Variants in ASS1 observed in about 807,000 individuals in gnomAD.
ASS1 encodes the protein argininosuccinate synthase.
A neutral mutation model predicts 60.5 loss-of-function variants in ASS1; 58 were observed. The ratio of observed to expected loss-of-function variants is 0.96; its 90% CI spans 0.78 to 1.19. ASS1 has a LOEUF of 1.19. ASS1 is among the 50% of genes most tolerant of loss of function. The probability of loss-of-function intolerance (pLI) is 0.00; values close to 1 mark genes in which losing one functional copy is unlikely to be tolerated. For missense variants in ASS1, 454 were observed against 547.3 expected (o/e 0.83, Z 1.70); for synonymous variants, 200 against 206.9 (o/e 0.97, Z 0.29).
intron 14 of ASS1, 93 bp from the exon 15 acceptor site, chr9:130,500,883 C>A: frequency 7.1e-7 from 1 of 1,401,814 alleles, no homozygotes; most frequent in East Asian, 2.3e-5. Context: ...AAACAGCTGC[C>A]CCAGCCACCC....
At chr9:130,466,576 T>C in intron 5 of ASS1, 149 bp from the exon 6 acceptor site, 1 of 744,504 alleles carries the variant, frequency 1.3e-6, no homozygotes, top group Non-Finnish European at 2.3e-6. Context: ...TTCATGGGGC[T>C]CCCTCTCACC....
intron 13 of ASS1, among the ~76,000 whole-genome samples, chr9:130,495,500 C>CACACACACACAT (rs57531289): frequency 6.1e-5 from 9 of 148,372 alleles, no homozygotes; most frequent in South Asian, 2.1e-4. Flanking sequence ...CACACACACA[C>CACACACACACAT]ATATATATAT....
At chr9:130,472,789 C>A (rs952555500) in intron 8 of ASS1, among the ~76,000 whole-genome samples, 2 of 152,174 alleles carry the variant, frequency 1.3e-5, no homozygotes, top group South Asian at 4.1e-4. Context: ...GCAGGGAGGC[C>A]GAGCCTGCAG....
intron 1 of ASS1, among the ~76,000 whole-genome samples, chr9:130,447,522 C>T (rs1272464414): frequency 6.6e-6 from 1 of 152,248 alleles, no homozygotes; most frequent in African/African-American, 2.4e-5. Flanking sequence ...AATGCCATCC[C>T]AATGAAAGCC....
intron 3 of ASS1, 149 bp downstream of exon 3, chr9:130,454,522 A>C: frequency 1.1e-6 from 1 of 922,224 alleles, no homozygotes; most frequent in Non-Finnish European, 1.7e-6. Flanking sequence ...AGGTGTGTGA[A>C]CCCTCTTGTT....
chr9:130,449,361 AAAG>A (rs1397158214), intron 1 of ASS1, among the ~76,000 whole-genome samples: 1 of 151,256 alleles, frequency 6.6e-6, no homozygotes, highest in African/African-American at 2.4e-5. Flanking sequence ...AAAAAAAAAA[AAAG>A]GATACAGCTC....
intron 1 of ASS1, among the ~76,000 whole-genome samples, chr9:130,450,866 G>C (rs1845309635): frequency 6.6e-6 from 1 of 152,242 alleles, no homozygotes; most frequent in African/African-American, 2.4e-5. Context: ...GGGTGACTCT[G>C]ACCTTGTGAC....
In ASS1 at chr9:130,476,037, G is replaced by T. The variant is rs975521327; in HGVS notation, c.598-834G>T. On this transcript the variant is annotated intron_variant, in intron 8 of 14. Coordinates refer to ENST00000352480, the MANE Select transcript of ASS1 (RefSeq NM_054012.4). The surrounding 1 kb of genome is among the most constrained non-coding windows in gnomAD (Gnocchi z 4.9). ...GCCTCCCAAAGTGCTAGGATTACAG[G>T]TGTGAGCCACTGTGCCCAGCCGTCT... 6.6e-6 allele frequency among the ~76,000 whole-genome samples: 1 copy of T among 152,176 alleles called. No individual in the cohort carries two copies.
rs554253122 is a variant in ASS1, at chr9:130,459,777, G to A, written c.363+1188G>A. ...GTTAAGACCACATGAGGCCACATTC[G>A]GAGGGACTGGGGTTAGGACTTGAAC... On this transcript the variant is annotated intron_variant, in intron 4 of 14. Coordinates refer to ENST00000352480, the MANE Select transcript of ASS1 (RefSeq NM_054012.4). The surrounding 1 kb of genome is among the most constrained non-coding windows in gnomAD (Gnocchi z 4.6). 1.6e-4 allele frequency among the ~76,000 whole-genome samples: 24 copies of A among 152,302 alleles called. No individual in the cohort carries two copies. Among genetic ancestry groups the A allele is most frequent in the South Asian group, 1.5e-3 (7 of 4,826 alleles).
chr9:130,478,517 C>T lies in ASS1; in HGVS notation c.689-1199C>T, dbSNP rs377055316. ...ACTGTCTGGAAGAAGAAAAAAAGAC[C>T]GGAGGAACCCTCCCCTGGCTAGTGC... On this transcript the variant is annotated intron_variant, in intron 9 of 14. Transcript: ENST00000352480. The surrounding 1 kb of genome is among the most constrained non-coding windows in gnomAD (Gnocchi z 4.7). Among the ~76,000 whole-genome samples the T allele has an allele frequency of 1.6e-3, 239 of 152,308 alleles. 2 individuals are homozygous for T. The highest frequency in any genetic ancestry group is 6.8e-3 in the Middle Eastern group (2 of 294).
In ASS1 at chr9:130,491,663, A is replaced by G. The variant is rs1400719815; in HGVS notation, c.970+2199A>G. On this transcript the variant is annotated intron_variant, in intron 12 of 14. Coordinates refer to ENST00000352480, the MANE Select transcript of ASS1 (RefSeq NM_054012.4). This position sits in a 1 kb window ranked among gnomAD's most constrained non-coding sequence, Gnocchi z 5.3. ...CACAGTTTGGCTCCTGGCTGCGGTC[A>G]CGATGCCTCTACACTGGACTGGCTG... 6.6e-6 allele frequency among the ~76,000 whole-genome samples: 1 copy of G among 152,192 alleles called. No individual in the cohort carries two copies. Among genetic ancestry groups the G allele is most frequent in the Non-Finnish European group, 1.5e-5 (1 of 68,028 alleles).
Position 130,470,756 on chromosome 9 carries a change from A to G in ASS1, c.496-78A>G. The G allele has an allele frequency of 7.0e-7, 1 of 1,422,592 alleles. No homozygotes were observed. The highest frequency in any genetic ancestry group is 9.9e-7 in the Non-Finnish European group (1 of 1,007,686). The allele number at this position is 1,422,592 out of a possible 1,614,324, so 88.1% of individuals were successfully genotyped here. On this transcript the variant is annotated intron_variant, in intron 6 of 14. Coordinates refer to ENST00000352480, the MANE Select transcript of ASS1 (RefSeq NM_054012.4). This position sits in a 1 kb window ranked among gnomAD's most constrained non-coding sequence, Gnocchi z 4.3. ...GGGGCCAGAGTTTGGGGCTCTCTGAAAAAGCAGGGCCCCTGGGACGGACCT... is the reference window on the plus strand; with the variant it reads ...GGGGCCAGAGTTTGGGGCTCTCTGAGAAAGCAGGGCCCCTGGGACGGACCT...
At chr9:130,471,402 G>A in intron 7 of ASS1, 83 bp from the exon 8 acceptor site, 3 of 1,536,640 alleles carry the variant, frequency 2.0e-6, no homozygotes, top group Non-Finnish European at 2.7e-6. Flanking sequence ...AGGCTCATGG[G>A]CACAATGGGG....
At chr9:130,493,906 G>C (rs1449213307) in intron 12 of ASS1, among the ~76,000 whole-genome samples, 1 of 151,744 alleles carries the variant, frequency 6.6e-6, no homozygotes, top group Non-Finnish European at 1.5e-5. Flanking sequence ...GGCACCTCCT[G>C]CCCCCACCTA....
At chr9:130,485,805 C>G (rs78591141) in intron 11 of ASS1, among the ~76,000 whole-genome samples, 3,446 of 152,248 alleles carry the variant, frequency 0.023, 87 homozygotes, top group African/African-American at 0.067. Context: ...TGCTTTATTT[C>G]TGGTAATAAG....
chr9:130,458,469 A>G lies in ASS1; in HGVS notation c.243A>G (p.Ala81=). The G allele has an allele frequency of 6.2e-7, 1 of 1,612,336 alleles. No individual in the cohort carries two copies. Among genetic ancestry groups the G allele is most frequent in the East Asian group, 2.2e-5 (1 of 44,860 alleles). The change falls in exon 4 of 15, where the codon GCA becomes GCG. Residue 81 remains alanine (A), a synonymous_variant. Coordinates refer to ENST00000352480, the MANE Select transcript of ASS1 (RefSeq NM_054012.4). ...TCTGGCCGGCCATCCAGTCCAGCGCACTGTATGAGGACCGCTACCTCCTGG... is the reference window on the plus strand; with the variant it reads ...TCTGGCCGGCCATCCAGTCCAGCGCGCTGTATGAGGACCGCTACCTCCTGG... The part of the protein sequence containing the change: ...EFIWPAIQSS[A]LYEDRYLLGT...
At chr9:130,448,376 G>A (rs567352857) in intron 1 of ASS1, among the ~76,000 whole-genome samples, 3 of 151,636 alleles carry the variant, frequency 2.0e-5, no homozygotes, top group Non-Finnish European at 4.4e-5. Context: ...CACACATTGT[G>A]TACTCTCAGG....
In ASS1 at chr9:130,476,569, C is replaced by T. The variant is rs947720922; in HGVS notation, c.598-302C>T. ...GCCGCCTTGCTCCTCCAAAGTCACA[C>T]TTTTTCCTGCCTGACTTGTTCCTCT... is the stretch of plus-strand genomic sequence containing the variant. On this transcript the variant is annotated intron_variant, in intron 8 of 14. Coordinates refer to ENST00000352480, the MANE Select transcript of ASS1 (RefSeq NM_054012.4). The surrounding 1 kb of genome is among the most constrained non-coding windows in gnomAD (Gnocchi z 4.9). The T allele has an allele frequency of 8.6e-5, 45 of 520,786 alleles. No homozygotes were observed. The Admixed American group carries it at 1.2e-3, about 14-fold the overall frequency. The allele number at this position is 520,786 out of a possible 1,614,324, so 32.3% of individuals were successfully genotyped here. A position where few individuals can be genotyped will look rare whatever the true frequency, so the allele number is the denominator to read the frequency against.
chr9:130,465,807 A>C (rs887162830), intron 5 of ASS1, among the ~76,000 whole-genome samples: 2 of 152,250 alleles, frequency 1.3e-5, no homozygotes, highest in Non-Finnish European at 2.9e-5. Context: ...CAGGCAGCTC[A>C]GTGGCTGGGA....
Sources: allele counts gnomAD v4.1 joint callset (sites outside exome capture counted in the v4.1 genomes callset), GRCh38; gene constraint gnomAD v4.1.1; non-coding constraint Gnocchi (gnomAD v3.1); transcripts MANE v1.5; gene names NCBI Gene and HGNC (gene_info 2026-07-23, HGNC 2026-07-21).